The following DYNC2I1 variants were observed in gnomAD, a reference collection of about 807,000 sequenced individuals.
DYNC2I1 encodes the protein cytoplasmic dynein 2 intermediate chain 1.
A neutral mutation model predicts 133.4 loss-of-function variants in DYNC2I1; 89 were observed. That is an observed-to-expected ratio of 0.67 (90% CI 0.56 to 0.80). The LOEUF is 0.80. DYNC2I1 is among the 30% of genes least tolerant of loss of function. The probability of loss-of-function intolerance (pLI) is 0.00; values close to 1 mark genes in which losing one functional copy is unlikely to be tolerated. For missense variants in DYNC2I1, 1,291 were observed against 1,314.5 expected, an observed-to-expected ratio of 0.98 and a Z score of 0.28; for synonymous variants, 504 against 484.3, an observed-to-expected ratio of 1.04 and a Z score of -0.54.
At chr7:158,861,993 A>G (rs1841903622) in intron 1 of DYNC2I1, among the ~76,000 whole-genome samples, 1 of 152,226 alleles carries the variant, frequency 6.6e-6, no homozygotes, top group Admixed American at 6.5e-5. Flanking sequence ...TGGAAAAAAA[A>G]TGAGGACAGC....
At position 158,942,047 on chromosome 7, in the gene DYNC2I1, T is replaced by G; in HGVS notation, c.2901T>G (p.Pro967=). ...GCCTGCAGTGGTCCCCAACCAGGCCTGCCGTGTTCCTGGTGCAGGACGACA... is the reference window on the plus strand; with the variant it reads ...GCCTGCAGTGGTCCCCAACCAGGCCGGCCGTGTTCCTGGTGCAGGACGACA... ...VTGLQWSPTR[P]AVFLVQDDTS... Residue 967 remains proline, a synonymous_variant, in exon 24 of 25, where the codon CCT becomes CCG. Transcript: ENST00000407559. 6.2e-7 allele frequency: 1 copy of G among 1,613,284 alleles called. No homozygotes were observed. The highest frequency in any genetic ancestry group is 8.5e-7 in the Non-Finnish European group (1 of 1,179,638).
rs770977639 is a variant in DYNC2I1 at position 158,934,538 on chromosome 7, C to T, written c.2767C>T (p.Pro923Ser). The T allele has an allele frequency of 7.9e-5, 122 of 1,552,012 alleles. No homozygotes were observed. The highest frequency in any genetic ancestry group is 1.0e-4 in the Non-Finnish European group (120 of 1,147,452). ...NVIDFSPFGE[P>S]IFLAGCSDGS... ...CATTGATTTTTCACCATTTGGAGAA[C>T]CAATATTTTTGGTAAGAAAGTTTGT... The change falls in exon 23 of 25, where the codon CCA (proline) becomes TCA (serine). Residue 923 changes from proline to serine, a missense_variant. Transcript: ENST00000407559.
rs1249416652 is a variant in DYNC2I1, at chr7:158,869,904, T to A, written c.65T>A (p.Leu22His). The A allele has an allele frequency of 1.2e-6, 2 of 1,613,262 alleles. No homozygotes were observed. Among genetic ancestry groups the A allele is most frequent in the African/African-American group, 2.7e-5 (2 of 74,906 alleles). Residue 22 changes from leucine to histidine, a missense_variant, in exon 2 of 25, where the codon CTC (leucine) becomes CAC (histidine). By Grantham distance (99) the Leu-to-His change is moderately conservative (BLOSUM62 -3). Coordinates refer to ENST00000407559, the MANE Select transcript of DYNC2I1 (RefSeq NM_018051.5). ...AAAGCAGATGACCTCAGAAAACATC[T>A]CTGGGTAATTATTGTAAAGATTTGG... ...TWKADDLRKH[L>H]WAIQSGGSKE...
In DYNC2I1 at chr7:158,859,564, G is replaced by C. The variant is rs75482758; in HGVS notation, c.15+2814G>C. Among the ~76,000 whole-genome samples the C allele has an allele frequency of 6.2e-3, 944 of 152,070 alleles. 63 individuals carry two copies. In the East Asian group the frequency reaches 0.13, roughly 21 times the overall value. ...GTCGCCCAGGCTGGAGTGCAATGGC[G>C]TGATCTCAGCTCACTGCAACCGCCA... On this transcript the variant is annotated intron_variant, in intron 1 of 24. Coordinates refer to ENST00000407559, the MANE Select transcript of DYNC2I1 (RefSeq NM_018051.5).
the DYNC2I1 span, among the ~76,000 whole-genome samples, chr7:158,846,288 A>C: frequency 6.6e-6 from 1 of 152,244 alleles, no homozygotes; most frequent in East Asian, 1.9e-4. Context: ...AAATAAAACA[A>C]GGTAAAAGGA....
chr7:158,863,013 A>G (rs183954517), intron 1 of DYNC2I1, among the ~76,000 whole-genome samples: 6 of 151,246 alleles, frequency 4.0e-5, no homozygotes, highest in African/African-American at 9.7e-5. Flanking sequence ...TCATAAAGGT[A>G]GCGTGGACCC....
Position 158,879,818 on chromosome 7 carries a change from A to G in DYNC2I1, c.708A>G (p.Lys236=). 1.9e-6 allele frequency: 3 copies of G among 1,613,266 alleles called. No homozygotes were observed. The highest frequency in any genetic ancestry group is 2.5e-6 in the Non-Finnish European group (3 of 1,179,620). Residue 236 remains lysine, a synonymous_variant, in exon 5 of 25, where the codon AAA becomes AAG. Coordinates refer to ENST00000407559, the MANE Select transcript of DYNC2I1 (RefSeq NM_018051.5). ...KHREKSSTRE[K]REKYSKEKSN... The stretch of plus-strand genomic sequence containing the variant: ...GAGAAAAAAGCAGCACAAGGGAAAA[A>G]AGAGAGAAATATTCCAAAGAGAAAA...
intron 1 of DYNC2I1, among the ~76,000 whole-genome samples, chr7:158,867,867 C>G (rs562098070): frequency 1.3e-5 from 2 of 152,316 alleles, no homozygotes; most frequent in East Asian, 3.9e-4. Flanking sequence ...GGAAGGCGCA[C>G]AGCTGGGCCT....
At chr7:158,942,658 A>G (rs1025249340) in intron 24 of DYNC2I1, among the ~76,000 whole-genome samples, 1 of 152,238 alleles carries the variant, frequency 6.6e-6, no homozygotes, top group Non-Finnish European at 1.5e-5. Context: ...CTTATGAGCT[A>G]TAAGTTTGTA....
intron 8 of DYNC2I1, among the ~76,000 whole-genome samples, chr7:158,893,459 G>A (rs1345503526): frequency 1.3e-5 from 2 of 152,130 alleles, no homozygotes; most frequent in Non-Finnish European, 2.9e-5. Flanking sequence ...AAACAGTTAC[G>A]TTATCCTACA....
In DYNC2I1 at chr7:158,856,563, A is replaced by T; in HGVS notation, c.-173A>T. The T allele has an allele frequency of 1.7e-6, 1 of 596,612 alleles. No individual in the cohort carries two copies. Among genetic ancestry groups the T allele is most frequent in the Non-Finnish European group, 2.4e-6 (1 of 409,974 alleles). 37.0% of individuals were successfully genotyped at this position (596,612 alleles called of 1,614,324 possible). ...CGGGGATGCGCAGGCGCACTGGGAGAGGCCGCAGGGCACGCTGGGCAGTGC... is the reference window on the plus strand; with the variant it reads ...CGGGGATGCGCAGGCGCACTGGGAGTGGCCGCAGGGCACGCTGGGCAGTGC... On this transcript the variant is annotated 5_prime_UTR_variant, in exon 1 of 25. Transcript: ENST00000407559.
At chr7:158,949,832 C>T (rs982506793), downstream of DYNC2I1, among the ~76,000 whole-genome samples, 16 of 151,654 alleles carry the variant, frequency 1.1e-4, no homozygotes, top group African/African-American at 3.2e-4. Context: ...AGTGCAATGG[C>T]GCAATCTCGC....
chr7:158,925,430 G>C (rs1849515162), intron 17 of DYNC2I1, among the ~76,000 whole-genome samples: 1 of 152,074 alleles, frequency 6.6e-6, no homozygotes, highest in Non-Finnish European at 1.5e-5. Context: ...GATTCCATTT[G>C]GAACGTTGAG....
the DYNC2I1 span, among the ~76,000 whole-genome samples, chr7:158,849,543 A>G: frequency 0.02 from 3,094 of 152,326 alleles, 112 homozygotes; most frequent in African/African-American, 0.07. Context: ...ATTGAGTGTT[A>G]CAACAGCTTG....
intron 1 of DYNC2I1, among the ~76,000 whole-genome samples, chr7:158,862,882 C>T (rs766800272): frequency 1.5e-4 from 22 of 151,714 alleles, no homozygotes; most frequent in African/African-American, 4.1e-4. Context: ...GACAGACCTT[C>T]GCAGTGAGCG....
In DYNC2I1 at chr7:158,914,278, T is replaced by C. The variant is rs1847790526; in HGVS notation, c.1748T>C (p.Ile583Thr). 2.5e-6 allele frequency: 4 copies of C among 1,613,140 alleles called. No individual in the cohort carries two copies. Among genetic ancestry groups the C allele is most frequent in the Non-Finnish European group, 3.4e-6 (4 of 1,179,506 alleles). Residue 583 changes from isoleucine (I) to threonine (T), a missense_variant, in exon 14 of 25, where the codon ATT becomes ACT. Transcript: ENST00000407559. Reference protein sequence around the residue: ...DTSDAVVMPKIDTPRLCSFLR... With the variant: ...DTSDAVVMPKTDTPRLCSFLR... ...TCTGATGCTGTAGTTATGCCAAAGA[T>C]TGATACTCCAAGGTTATGTAGCTTT...
chr7:158,910,473 C>T (rs1451257979), intron 11 of DYNC2I1, among the ~76,000 whole-genome samples: 2 of 119,302 alleles, frequency 1.7e-5, no homozygotes, highest in African/African-American at 3.2e-5. Context: ...GCCTGTGGGC[C>T]GAGTGCGATT....
At chr7:158,870,785 A>ACACCCGAATAGTACCTGT (rs1243126984) in intron 2 of DYNC2I1, among the ~76,000 whole-genome samples, 2 of 152,110 alleles carry the variant, frequency 1.3e-5, no homozygotes, top group Non-Finnish European at 2.9e-5. Context: ...AGTGCTCCTG[A>ACACCCGAATAGTACCTGT]CACCCGAATA....
intron 22 of DYNC2I1, 26 bp from the exon 23 acceptor site, chr7:158,934,392 G>A: frequency 6.3e-7 from 1 of 1,599,990 alleles, no homozygotes; most frequent in Non-Finnish European, 8.5e-7. Flanking sequence ...CACTCGTTCA[G>A]TCACTCTTGG....
Sources: allele counts gnomAD v4.1 joint callset (sites outside exome capture counted in the v4.1 genomes callset), GRCh38; gene constraint gnomAD v4.1.1; transcripts MANE v1.5; gene names NCBI Gene and HGNC (gene_info 2026-07-23, HGNC 2026-07-21).